Variants in UGGT2 observed in about 807,000 individuals in gnomAD.
UGGT2 encodes the protein UDP-glucose glycoprotein glucosyltransferase 2.
Under a neutral mutation model 192.1 loss-of-function variants are expected in UGGT2, and 180 were observed. The observed-to-expected ratio is 0.94, with a 90% CI of 0.83 to 1.06. UGGT2 has a LOEUF of 1.06. Ranked by LOEUF, UGGT2 falls within the 50% of genes least tolerant of loss-of-function variation. The pLI is 0.00. For missense variants in UGGT2, 1,849 were observed against 1,795.7 expected (o/e 1.03, Z -0.54); for synonymous variants, 580 against 591.0 (o/e 0.98, Z 0.27).
chr13:95,883,354 G>C (rs2047548774), intron 27 of UGGT2, among the ~76,000 whole-genome samples: 1 of 152,170 alleles, frequency 6.6e-6, no homozygotes, highest in Non-Finnish European at 1.5e-5. Context: ...CTGGAAATAG[G>C]TCAGAGGGAG....
rs59666343 is a variant in UGGT2, at chr13:95,968,462, G to A, written c.1335+1650C>T. ...ACGCTGAATTGTAATCCCCAATGCC[G>A]GAGGTAGGGCCTGATAGGACGTGTT... On this transcript the variant is annotated intron_variant, in intron 12 of 38. Coordinates refer to ENST00000376747, the MANE Select transcript of UGGT2 (RefSeq NM_020121.4). Among the ~76,000 whole-genome samples the A allele has an allele frequency of 1.8e-3, 274 of 152,208 alleles. 2 individuals carry two copies. Among genetic ancestry groups the A allele is most frequent in the African/African-American group, 6.2e-3 (257 of 41,524 alleles).
At chr13:95,997,982 C>G (rs767924455) in intron 6 of UGGT2, among the ~76,000 whole-genome samples, 4 of 152,130 alleles carry the variant, frequency 2.6e-5, no homozygotes, top group Non-Finnish European at 5.9e-5. Flanking sequence ...ATCACAAAGT[C>G]AGATTTTCAA....
intron 17 of UGGT2, 122 bp from the exon 18 acceptor site, chr13:95,927,458 TACATTTTC>T: frequency 2.7e-6 from 2 of 738,810 alleles, no homozygotes; most frequent in Non-Finnish European, 4.0e-6. Context: ...ATTATTACAA[TACATTTTC>T]TTTCTTTTTT....
At chr13:96,020,144 G>T (rs2052472369) in intron 4 of UGGT2, among the ~76,000 whole-genome samples, 1 of 152,120 alleles carries the variant, frequency 6.6e-6, no homozygotes, top group South Asian at 2.1e-4. Flanking sequence ...AGGCTTATTG[G>T]GTCCCTTTTA....
chr13:96,020,575 A>G (rs116417496), intron 4 of UGGT2, among the ~76,000 whole-genome samples: 46 of 152,298 alleles, frequency 3.0e-4, no homozygotes, highest in African/African-American at 1.0e-3. Flanking sequence ...AAATCAGTCA[A>G]GTTTGAGTGC....
chr13:95,941,923 C>A (rs1566734261), intron 15 of UGGT2, among the ~76,000 whole-genome samples: 1 of 152,104 alleles, frequency 6.6e-6, no homozygotes, highest in Admixed American at 6.6e-5. Context: ...TTATCATTCC[C>A]TTTCCTTTTT....
intron 4 of UGGT2, among the ~76,000 whole-genome samples, chr13:96,014,613 T>C (rs976910551): frequency 2.0e-5 from 3 of 152,174 alleles, no homozygotes; most frequent in South Asian, 2.1e-4. Context: ...TAACCCCAAA[T>C]AGAATTTCAC....
In UGGT2 at chr13:96,013,366, C is replaced by G; in HGVS notation, c.601G>C (p.Val201Leu). 2 of 1,608,224 alleles carry G rather than the reference C, an allele frequency of 1.2e-6. No individual in the cohort carries two copies. Among genetic ancestry groups the G allele is most frequent in the Non-Finnish European group, 1.7e-6 (2 of 1,178,630 alleles). ...TCATTTTGAGCTTTTTCAGACAATA[C>G]TTTGTGAAATGCACTAAATGTTCTA... ...GTRTFSAFHK[V>L]LSEKAQNEEI... Residue 201 changes from valine to leucine, a missense_variant, in exon 5 of 39, where the codon GTA becomes CTA. Coordinates refer to ENST00000376747, the MANE Select transcript of UGGT2 (RefSeq NM_020121.4).
intron 5 of UGGT2, among the ~76,000 whole-genome samples, chr13:96,005,315 G>C (rs929264268): frequency 1.3e-5 from 2 of 152,150 alleles, no homozygotes; most frequent in Admixed American, 1.3e-4. Flanking sequence ...AATCTATAAA[G>C]CTTGCTAAAG....
intron 20 of UGGT2, among the ~76,000 whole-genome samples, chr13:95,905,394 T>C (rs2048253825): frequency 1.3e-5 from 2 of 152,032 alleles, no homozygotes; most frequent in Admixed American, 6.6e-5. Context: ...TGAATGGTAA[T>C]GCCTAGGTTT....
At chr13:95,884,442 G>C (rs377269626) in intron 27 of UGGT2, 49 bp downstream of exon 27, 8 of 1,426,084 alleles carry the variant, frequency 5.6e-6, no homozygotes, top group South Asian at 1.6e-5. Context: ...TAGCTGATAA[G>C]AATTTATCCT....
intron 32 of UGGT2, 158 bp from the exon 33 acceptor site, chr13:95,859,833 G>C (rs1889990463): frequency 2.1e-6 from 1 of 478,624 alleles, no homozygotes; most frequent in South Asian, 4.6e-5. Context: ...TTGTTACATA[G>C]GTCTTTTAAA....
At chr13:95,848,014 G>A (rs1372879421) in intron 36 of UGGT2, among the ~76,000 whole-genome samples, 1 of 152,148 alleles carries the variant, frequency 6.6e-6, no homozygotes, top group Non-Finnish European at 1.5e-5. Context: ...GGTGTGTGGT[G>A]TTATCTTACT....
intron 17 of UGGT2, among the ~76,000 whole-genome samples, chr13:95,934,631 C>G (rs575242457): frequency 2.7e-4 from 41 of 152,280 alleles, no homozygotes; most frequent in Non-Finnish European, 5.7e-4. Context: ...CCTTCCTCAG[C>G]CTTTTGAGTA....
rs1440492336 is a variant in UGGT2 at position 95,853,550 on chromosome 13, A to G, written c.4277T>C (p.Leu1426Pro). Residue 1426 changes from leucine to proline, a missense_variant, in exon 36 of 39, where the codon CTA becomes CCA. Physicochemically the swap from Leu to Pro is moderately conservative, Grantham distance 98. Coordinates refer to ENST00000376747, the MANE Select transcript of UGGT2 (RefSeq NM_020121.4). ...TGTTAACATTTTACTTACCTGATCT[A>G]GGTTTGAAAGACTGTTTGGATCTTG... ...LSQDPNSLSN[L>P]DQDLPNNMIY... 6.2e-7 allele frequency: 1 copy of G among 1,612,844 alleles called. No homozygotes were observed. Among genetic ancestry groups the G allele is most frequent in the Non-Finnish European group, 8.5e-7 (1 of 1,179,382 alleles).
chr13:96,046,328 A>C (rs2053308538), intron 1 of UGGT2, among the ~76,000 whole-genome samples: 1 of 152,360 alleles, frequency 6.6e-6, no homozygotes, highest in South Asian at 2.1e-4. Context: ...TTATACAAAA[A>C]TCAATTCAAG....
intron 4 of UGGT2, among the ~76,000 whole-genome samples, chr13:96,020,031 G>C (rs1340307330): frequency 1.3e-5 from 2 of 152,138 alleles, no homozygotes; most frequent in Non-Finnish European, 2.9e-5. Flanking sequence ...GGGTTATTTA[G>C]TTCACTCCCA....
intron 26 of UGGT2, among the ~76,000 whole-genome samples, chr13:95,885,347 A>G (rs2047614934): frequency 6.6e-6 from 1 of 152,178 alleles, no homozygotes. Flanking sequence ...GGTAGGATCT[A>G]CTTCCAGGTT....
chr13:95,999,543 A>T (rs2051732464), intron 5 of UGGT2, among the ~76,000 whole-genome samples: 1 of 152,188 alleles, frequency 6.6e-6, no homozygotes, highest in Non-Finnish European at 1.5e-5. Context: ...ATTACTTTTT[A>T]ATTTTTACAA....
Sources: gnomAD v4.1 joint callset for allele counts (sites outside exome capture counted in the v4.1 genomes callset) on GRCh38, gnomAD v4.1.1 for gene constraint, MANE v1.5 for transcripts, NCBI Gene and HGNC (gene_info 2026-07-23, HGNC 2026-07-21) for gene names.